The following MOCOS variants were observed in gnomAD, a reference collection of about 807,000 sequenced individuals.
MOCOS encodes molybdenum cofactor sulfurase, also known as human molybdenum cofactor sulfurase.
In MOCOS, 86 loss-of-function variants were observed where a neutral mutation model predicts 83.6. The observed-to-expected ratio is 1.03, with a 90% CI of 0.86 to 1.23. The LOEUF is 1.23. Among genes scored for constraint, MOCOS ranks in the 50% most tolerant of loss-of-function variants. The pLI, the probability that MOCOS is intolerant of heterozygous loss-of-function variation, is 0.00. For missense variants in MOCOS, 1,120 were observed against 1,126.9 expected (o/e 0.99, Z 0.09); for synonymous variants, 445 against 434.7 (o/e 1.02, Z -0.29).
At chr18:36,208,076 T>C (rs2091441028) in intron 6 of MOCOS, among the ~76,000 whole-genome samples, 1 of 152,194 alleles carries the variant, frequency 6.6e-6, no homozygotes, top group African/African-American at 2.4e-5. Flanking sequence ...CTTGTTATTG[T>C]CTACTTTGTC....
intron 8 of MOCOS, among the ~76,000 whole-genome samples, chr18:36,219,405 G>C (rs900941981): frequency 1.3e-5 from 2 of 152,056 alleles, no homozygotes; most frequent in African/African-American, 4.8e-5. Flanking sequence ...AGGGGTGGGC[G>C]TGGTGGCTCA....
In MOCOS at chr18:36,272,111, T is replaced by A. The variant is rs990158907; in HGVS notation, c.*3426T>A. 1 of 152,204 alleles carries A rather than the reference T, an allele frequency of 6.6e-6. No homozygotes were observed. The highest frequency in any genetic ancestry group is 2.4e-5 in the African/African-American group (1 of 41,456). The allele number at this position is 152,204 out of a possible 1,614,324, so 9.4% of individuals were successfully genotyped here. A position where few individuals can be genotyped will look rare whatever the true frequency, so the allele number is the denominator to read the frequency against. ...GGTTGTATTATTCTTTATTTTTTTG[T>A]ATGACTTATGATATTCATGATAATT... On this transcript the variant is annotated 3_prime_UTR_variant, in exon 15 of 15. Coordinates refer to ENST00000261326, the MANE Select transcript of MOCOS (RefSeq NM_017947.4).
chr18:36,205,215 A>G lies in MOCOS; in HGVS notation c.1157A>G (p.Gln386Arg), dbSNP rs769194234. The G allele has an allele frequency of 1.2e-6, 2 of 1,613,682 alleles. No individual in the cohort carries two copies. The highest frequency in any genetic ancestry group is 2.2e-5 in the East Asian group (1 of 44,856). The part of the protein sequence containing the change: ...SDSEFSSPEV[Q>R]GPIINFNVLD... Reference sequence around the variant, plus strand: ...TCTGAGTTCAGCAGCCCTGAGGTTCAGGGCCCAATCATCAATTTTAATGTG... The same window carrying G: ...TCTGAGTTCAGCAGCCCTGAGGTTCGGGGCCCAATCATCAATTTTAATGTG... The change falls in exon 6 of 15, where the codon CAG becomes CGG. Residue 386 changes from glutamine (Q) to arginine (R), a missense_variant. Gln to Arg is a conservative substitution (Grantham distance 43, BLOSUM62 1). Coordinates refer to ENST00000261326, the MANE Select transcript of MOCOS (RefSeq NM_017947.4).
intron 8 of MOCOS, among the ~76,000 whole-genome samples, chr18:36,219,256 C>T (rs1598879745): frequency 1.3e-5 from 2 of 151,560 alleles, no homozygotes; most frequent in South Asian, 4.2e-4. Context: ...GACATGATCT[C>T]GGCTCACTGC....
Position 36,215,537 on chromosome 18 carries a change from A to G in MOCOS, c.1357A>G (p.Asn453Asp). Residue 453 changes from asparagine to aspartate, a missense_variant, in exon 8 of 15, where the codon AAT (asparagine) becomes GAT (aspartate). Transcript: ENST00000261326. ...HFQAGHVCGD[N>D]MDLIDGQPTG... ...CTAGGCTGGTCATGTCTGTGGGGAC[A>G]ATATGGACCTCATAGATGGGCAGCC... The G allele has an allele frequency of 2.5e-6, 4 of 1,614,138 alleles. No individual in the cohort carries two copies.
intron 10 of MOCOS, among the ~76,000 whole-genome samples, chr18:36,250,250 C>G (rs532799052): frequency 7.9e-5 from 12 of 152,270 alleles, no homozygotes; most frequent in Admixed American, 2.6e-4. Context: ...ACAATGCACT[C>G]ATTAGTGGGT....
intron 9 of MOCOS, among the ~76,000 whole-genome samples, chr18:36,222,864 TG>T (rs1444635192): frequency 2.0e-5 from 3 of 152,206 alleles, no homozygotes; most frequent in Non-Finnish European, 4.4e-5. Context: ...CCTCCCAGAG[TG>T]CTGGGATTAC....
At chr18:36,251,885 G>A (rs915871534) in intron 11 of MOCOS, among the ~76,000 whole-genome samples, 3 of 152,130 alleles carry the variant, frequency 2.0e-5, no homozygotes, top group Admixed American at 1.3e-4. Context: ...AGGGAAGCCT[G>A]GCTGACTACC....
intron 13 of MOCOS, among the ~76,000 whole-genome samples, chr18:36,265,671 G>A (rs937556551): frequency 6.6e-6 from 1 of 152,050 alleles, no homozygotes; most frequent in Non-Finnish European, 1.5e-5. Flanking sequence ...AGTATGACCT[G>A]TATTAAGAAA....
At chr18:36,243,702 C>A (rs1207660859) in intron 9 of MOCOS, among the ~76,000 whole-genome samples, 1 of 152,100 alleles carries the variant, frequency 6.6e-6, no homozygotes, top group East Asian at 1.9e-4. Flanking sequence ...ACCAGTTCTT[C>A]TTTGAATGTC....
At chr18:36,249,134 T>G in intron 10 of MOCOS, 134 bp downstream of exon 10, 41 of 764,752 alleles carry the variant, frequency 5.4e-5, no homozygotes, top group East Asian at 8.3e-5. Context: ...CCTTGCATGC[T>G]TCTCTCTAAC....
intron 7 of MOCOS, among the ~76,000 whole-genome samples, chr18:36,213,954 A>C (rs80139221): frequency 2.1e-5 from 3 of 140,968 alleles, no homozygotes; most frequent in African/African-American, 5.3e-5. Context: ...AAAAAAAAAA[A>C]GAAGAAGCCG....
rs1387334618 is a variant in MOCOS at position 36,270,316 on chromosome 18, G to A, written c.*1631G>A. ...CTACTCAGGCCAGTTTCATGCAGGAGGGAACTTTCCAGATGGCACATTGCC... is the reference window on the plus strand; with the variant it reads ...CTACTCAGGCCAGTTTCATGCAGGAAGGAACTTTCCAGATGGCACATTGCC... On this transcript the variant is annotated 3_prime_UTR_variant, in exon 15 of 15. Coordinates refer to ENST00000261326, the MANE Select transcript of MOCOS (RefSeq NM_017947.4). The A allele has an allele frequency of 6.6e-6, 1 of 152,234 alleles. No homozygotes were observed. Among genetic ancestry groups the A allele is most frequent in the African/African-American group, 2.4e-5 (1 of 41,456 alleles). The allele number at this position is 152,234 out of a possible 1,614,324, so 9.4% of individuals were successfully genotyped here. A position where few individuals can be genotyped will look rare whatever the true frequency, so the allele number is the denominator to read the frequency against.
intron 9 of MOCOS, among the ~76,000 whole-genome samples, chr18:36,232,504 C>T (rs2091542111): frequency 6.6e-6 from 1 of 152,052 alleles, no homozygotes; most frequent in South Asian, 2.1e-4. Context: ...TGTTTAAAAT[C>T]CTCTTTTCTA....
chr18:36,199,655 G>A (rs780096169), intron 3 of MOCOS, 28 bp from the exon 4 acceptor site: 9 of 1,612,282 alleles, frequency 5.6e-6, no homozygotes, highest in Non-Finnish European at 7.6e-6. Flanking sequence ...GAGATCCGCG[G>A]GTTGCGGGGA....
At chr18:36,189,428 T>C (rs558706097) in intron 1 of MOCOS, among the ~76,000 whole-genome samples, 2 of 151,954 alleles carry the variant, frequency 1.3e-5, no homozygotes, top group Non-Finnish European at 2.9e-5. Context: ...CACTTGTTTT[T>C]CTCCTAGAAA....
At position 36,209,580 on chromosome 18, in the gene MOCOS, A is replaced by G. The variant is rs190902731; in HGVS notation, c.1219-3786A>G. Among the ~76,000 whole-genome samples, 19 of 152,268 alleles carry G rather than the reference A, an allele frequency of 1.2e-4. No homozygotes were observed. The East Asian group carries it at 3.7e-3, about 29-fold the overall frequency. ...CTTTAGCTCCCACTTATAAGTGAGA[A>G]CATATGATATTTGATTTTCCATTCC... On this transcript the variant is annotated intron_variant, in intron 6 of 14. Coordinates refer to ENST00000261326, the MANE Select transcript of MOCOS (RefSeq NM_017947.4).
chr18:36,216,063 A>G, intron 8 of MOCOS, 86 bp downstream of exon 8: 1 of 1,339,224 alleles, frequency 7.5e-7, no homozygotes, highest in Non-Finnish European at 1.0e-6. Flanking sequence ...CATGAAAAAA[A>G]TCAAAATCAT....
intron 1 of MOCOS, chr18:36,189,888 C>G (rs76555914): frequency 6.6e-6 from 1 of 152,214 alleles, no homozygotes; most frequent in Non-Finnish European, 1.5e-5. Flanking sequence ...TAACCTTTGT[C>G]CCATCTGCAG....
Sources: allele counts gnomAD v4.1 joint callset (sites outside exome capture counted in the v4.1 genomes callset), GRCh38; gene constraint gnomAD v4.1.1; transcripts MANE v1.5; gene names NCBI Gene and HGNC (gene_info 2026-07-23, HGNC 2026-07-21).